TUSC3: variants seen among roughly 807,000 people sequenced by gnomAD.
TUSC3 encodes the protein dolichyl-diphosphooligosaccharide--protein glycosyltransferase subunit TUSC3.
A neutral mutation model predicts 44.8 loss-of-function variants in TUSC3; 45 were observed. The ratio of observed to expected loss-of-function variants is 1.00; its 90% CI spans 0.79 to 1.29. The LOEUF is 1.29. Among genes scored for constraint, TUSC3 ranks in the 50% most tolerant of loss-of-function variants. The pLI is 0.00. For missense variants in TUSC3, 519 were observed against 437.9 expected, an observed-to-expected ratio of 1.19 and a Z score of -1.65; for synonymous variants, 212 against 152.9, an observed-to-expected ratio of 1.39 and a Z score of -2.85.
chr8:15,824,627 AC>A, the TUSC3 span, among the ~76,000 whole-genome samples: 1 of 151,960 alleles, frequency 6.6e-6, no homozygotes, highest in Non-Finnish European at 1.5e-5. Context: ...GGGAAGGGGG[AC>A]GGATAGCATT....
At chr8:15,724,674 C>T (rs1810431463) in intron 6 of TUSC3, among the ~76,000 whole-genome samples, 1 of 152,116 alleles carries the variant, frequency 6.6e-6, no homozygotes. Context: ...TTAGATTTTG[C>T]ATGTCCATTG....
intron 1 of TUSC3, among the ~76,000 whole-genome samples, chr8:15,568,024 A>T (rs1802740179): frequency 6.6e-6 from 1 of 152,082 alleles, no homozygotes; most frequent in South Asian, 2.1e-4. Flanking sequence ...TTGGTAGCAT[A>T]TTATCAGGCA....
At chr8:15,586,113 A>T (rs1025208055) in intron 1 of TUSC3, among the ~76,000 whole-genome samples, 1 of 57,104 alleles carries the variant, frequency 1.8e-5, no homozygotes, top group Non-Finnish European at 3.4e-5. Context: ...AGTGCTAAAT[A>T]ATTATGTTCA....
At chr8:15,644,620 G>C (rs923536078) in intron 2 of TUSC3, among the ~76,000 whole-genome samples, 1 of 152,086 alleles carries the variant, frequency 6.6e-6, no homozygotes, top group African/African-American at 2.4e-5. Flanking sequence ...ACGTTAAGAA[G>C]TTGGGATATG....
At chr8:15,479,054 A>T (rs998730165) in intron 1 of TUSC3, among the ~76,000 whole-genome samples, 1 of 152,038 alleles carries the variant, frequency 6.6e-6, no homozygotes, top group Non-Finnish European at 1.5e-5. Context: ...TTTTGTTCAT[A>T]TGTTTGTTGG....
chr8:15,729,136 A>C (rs1403649150), intron 6 of TUSC3, among the ~76,000 whole-genome samples: 1 of 152,190 alleles, frequency 6.6e-6, no homozygotes, highest in Admixed American at 6.5e-5. Context: ...TCAGAGAGGC[A>C]AACTATTTTG....
intron 1 of TUSC3, among the ~76,000 whole-genome samples, chr8:15,608,198 C>CT (rs1377185535): frequency 6.6e-6 from 1 of 152,098 alleles, no homozygotes; most frequent in Non-Finnish European, 1.5e-5. Context: ...CATAGCTTCT[C>CT]TTTTCCTGAG....
At chr8:15,482,497 C>A (rs756387540) in intron 1 of TUSC3, among the ~76,000 whole-genome samples, 2 of 152,140 alleles carry the variant, frequency 1.3e-5, no homozygotes, top group Non-Finnish European at 2.9e-5. Flanking sequence ...ACTGTTGAGA[C>A]CTGCTGCTTA....
At chr8:15,747,206 T>C (rs1370037145) in intron 8 of TUSC3, among the ~76,000 whole-genome samples, 2 of 152,098 alleles carry the variant, frequency 1.3e-5, no homozygotes. Flanking sequence ...GGTTTATATA[T>C]TGGAAAAAAT....
chr8:15,622,868 G>A (rs941913900), intron 1 of TUSC3, among the ~76,000 whole-genome samples: 1 of 151,696 alleles, frequency 6.6e-6, no homozygotes. Flanking sequence ...TCTAGCAAGT[G>A]GTCTGGGATA....
rs148030968 is a variant in TUSC3, at chr8:15,488,853, C to T, written n.189+5370C>T. Among the ~76,000 whole-genome samples the T allele has an allele frequency of 4.0e-3, 604 of 152,242 alleles. 4 individuals carry two copies. The highest frequency in any genetic ancestry group is 0.014 in the African/African-American group (584 of 41,548). On this transcript the variant is annotated intron_variant and non_coding_transcript_variant, in intron 2 of 5. Transcript: ENST00000503191. ...AGAAATAAATGTTAGTTGCATAAGC[C>T]ACTCAGTCTATAGTATTTGTTATAG...
chr8:15,802,663 A>C, the TUSC3 span, among the ~76,000 whole-genome samples: 10 of 130,036 alleles, frequency 7.7e-5, no homozygotes, highest in Admixed American at 7.5e-5. Context: ...CACAGGATTA[A>C]TTACTTTTTT....
chr8:15,601,884 A>C (rs1019316792), intron 1 of TUSC3, among the ~76,000 whole-genome samples: 1 of 148,938 alleles, frequency 6.7e-6, no homozygotes, highest in South Asian at 2.1e-4. Flanking sequence ...ATTATATAAG[A>C]ATATATTCAT....
chr8:15,825,301 A>G, the TUSC3 span, among the ~76,000 whole-genome samples: 38 of 152,318 alleles, frequency 2.5e-4, no homozygotes, highest in African/African-American at 8.7e-4. Flanking sequence ...ACAGTTCCAC[A>G]TGGCTGGGGA....
intron 6 of TUSC3, among the ~76,000 whole-genome samples, chr8:15,688,694 G>A (rs1188371564): frequency 6.6e-6 from 1 of 152,118 alleles, no homozygotes; most frequent in Non-Finnish European, 1.5e-5. Flanking sequence ...GCTGCTGTTA[G>A]GAGATTTCCC....
chr8:15,428,260 G>T (rs1249442681), intron 1 of TUSC3, among the ~76,000 whole-genome samples: 1 of 151,262 alleles, frequency 6.6e-6, no homozygotes, highest in Non-Finnish European at 1.5e-5. Context: ...GAGAATGATG[G>T]GTTCCAGCTT....
intron 2 of TUSC3, among the ~76,000 whole-genome samples, chr8:15,644,699 T>C (rs1012586341): frequency 5.3e-5 from 8 of 152,100 alleles, no homozygotes; most frequent in African/African-American, 1.7e-4. Flanking sequence ...ATTTTTTTTT[T>C]CTAATGAATC....
At chr8:15,483,981 G>T (rs949064068) in intron 2 of TUSC3, among the ~76,000 whole-genome samples, 2 of 151,980 alleles carry the variant, frequency 1.3e-5, no homozygotes, top group Non-Finnish European at 2.9e-5. Context: ...ATGTTGACTG[G>T]CCCTCTCTAT....
At chr8:15,554,015 A>G (rs1429041750) in intron 1 of TUSC3, among the ~76,000 whole-genome samples, 5 of 151,396 alleles carry the variant, frequency 3.3e-5, no homozygotes, top group African/African-American at 1.2e-4. Context: ...CAGTTATGGG[A>G]GCTGGGAAGT....
Sources: allele counts gnomAD v4.1 joint callset (sites outside exome capture counted in the v4.1 genomes callset), GRCh38; gene constraint gnomAD v4.1.1; transcripts MANE v1.5; gene names NCBI Gene and HGNC (gene_info 2026-07-23, HGNC 2026-07-21).